The following PTPN2 variants were observed in gnomAD, a reference collection of about 807,000 sequenced individuals.
PTPN2 encodes the protein protein tyrosine phosphatase non-receptor type 2.
PTPN2 carries 19 observed loss-of-function variants against 57.3 expected under a neutral mutation model. That is an observed-to-expected ratio of 0.33 (90% CI 0.23 to 0.49). The LOEUF (loss-of-function observed/expected upper bound fraction) is 0.49. Among genes scored for constraint, PTPN2 ranks in the 20% least tolerant of loss-of-function variants. PTPN2 has a pLI of 0.99. For missense variants in PTPN2, 358 were observed against 501.1 expected, an observed-to-expected ratio of 0.71 and a Z score of 2.73; for synonymous variants, 153 against 164.9, an observed-to-expected ratio of 0.93 and a Z score of 0.55.
chr18:12,843,200 G>A (rs755777137), intron 2 of PTPN2, among the ~76,000 whole-genome samples: 1 of 152,074 alleles, frequency 6.6e-6, no homozygotes, highest in Non-Finnish European at 1.5e-5. Context: ...AACACTATCA[G>A]CATCCCAGTC....
rs1568168233 is a variant in PTPN2, at chr18:12,870,293, ATATATGTG to A, written c.70-11047_70-11040del. 6.0e-4 allele frequency among the ~76,000 whole-genome samples: 44 copies of A among 73,732 alleles called. 6 individuals are homozygous for A. The East Asian group carries it at 7.6e-3, about 13-fold the overall frequency. 48.4% of individuals were successfully genotyped at this position (73,732 alleles called of 152,430 possible). ...TATATGTATATATATACATATACAT[ATATATGTG>A]TATATATACATATATATGTGTATAT... On this transcript the variant is annotated intron_variant, in intron 1 of 8. Transcript: ENST00000309660.
intron 7 of PTPN2, among the ~76,000 whole-genome samples, chr18:12,808,443 T>C (rs2041770808): frequency 6.6e-6 from 1 of 152,012 alleles, no homozygotes; most frequent in African/African-American, 2.4e-5. Flanking sequence ...TATCAAAATA[T>C]CACACTGAAC....
chr18:12,854,089 T>G (rs1416039706), intron 2 of PTPN2, among the ~76,000 whole-genome samples: 1 of 152,064 alleles, frequency 6.6e-6, no homozygotes, highest in Non-Finnish European at 1.5e-5. Context: ...CTGAGCACGG[T>G]GCCTCACACC....
intron 1 of PTPN2, among the ~76,000 whole-genome samples, chr18:12,862,956 C>A (rs2043866152): frequency 6.6e-6 from 1 of 151,898 alleles, no homozygotes; most frequent in Non-Finnish European, 1.5e-5. Context: ...GCAACTAGAT[C>A]TGACACTGAT....
chr18:12,870,290 C>CATGTGT (rs1555679435), intron 1 of PTPN2, among the ~76,000 whole-genome samples: 1 of 76,652 alleles, frequency 1.3e-5, no homozygotes. Context: ...TATACATATA[C>CATGTGT]ATATATATGT....
Position 12,817,369 on chromosome 18 carries a change from A to G in PTPN2, c.496-4T>C. The G allele has an allele frequency of 1.2e-6, 2 of 1,608,598 alleles. No homozygotes were observed. Among genetic ancestry groups the G allele is most frequent in the South Asian group, 2.2e-5 (2 of 90,536 alleles). On this transcript the variant is annotated splice_region_variant and splice_polypyrimidine_tract_variant and intron_variant, in intron 5 of 8. Transcript: ENST00000309660. Reference sequence around the variant, plus strand: ...ATATTGTTCTGGTTTCACCACTCTAAAAAGTGAAAATCAAGGGAGAAGTTA... The same window carrying G: ...ATATTGTTCTGGTTTCACCACTCTAGAAAGTGAAAATCAAGGGAGAAGTTA...
intron 2 of PTPN2, among the ~76,000 whole-genome samples, chr18:12,857,434 T>C (rs1000370499): frequency 2.6e-5 from 4 of 152,312 alleles, no homozygotes; most frequent in African/African-American, 9.6e-5. Context: ...ATGCAAGATG[T>C]TACCACTGGG....
At chr18:12,862,717 CTG>C (rs1288203760) in intron 1 of PTPN2, 1 of 152,152 alleles carries the variant, frequency 6.6e-6, no homozygotes, top group African/African-American at 2.4e-5. Flanking sequence ...AGGAGCCATC[CTG>C]TGACAGCAAG....
intron 6 of PTPN2, among the ~76,000 whole-genome samples, chr18:12,815,309 G>A (rs2042037800): frequency 6.6e-6 from 1 of 151,804 alleles, no homozygotes; most frequent in Non-Finnish European, 1.5e-5. Context: ...CTACTCGGGA[G>A]GCTGAGGCAG....
intron 2 of PTPN2, among the ~76,000 whole-genome samples, chr18:12,841,681 G>C (rs950314612): frequency 6.6e-6 from 1 of 152,140 alleles, no homozygotes; most frequent in Non-Finnish European, 1.5e-5. Context: ...TCCTAAACTT[G>C]ACAGGACAAT....
intron 3 of PTPN2, among the ~76,000 whole-genome samples, chr18:12,834,326 C>CAAAAAAAAAAAAA (rs11368721): frequency 7.5e-6 from 1 of 133,206 alleles, no homozygotes; most frequent in Admixed American, 7.6e-5. Flanking sequence ...GACTCCATCT[C>CAAAAAAAAAAAAA]AAAAAAAAAA....
chr18:12,867,180 G>A (rs1309840575), intron 1 of PTPN2, among the ~76,000 whole-genome samples: 3 of 151,888 alleles, frequency 2.0e-5, no homozygotes, highest in East Asian at 1.9e-4. Flanking sequence ...AAAGCCAAGC[G>A]TAGTGATGCG....
At chr18:12,870,491 A>G (rs1190195759) in intron 1 of PTPN2, among the ~76,000 whole-genome samples, 1 of 100,206 alleles carries the variant, frequency 1.0e-5, no homozygotes, top group African/African-American at 4.7e-5. Context: ...AGAGAGAGAG[A>G]GAGAGAGAAA....
chr18:12,852,191 AACACACACACACACACAC>A lies in PTPN2; in HGVS notation c.160+6955_160+6972del, dbSNP rs139964591. Among the ~76,000 whole-genome samples the A allele has an allele frequency of 3.6e-4, 50 of 140,512 alleles. 2 individuals are homozygous for A. The highest frequency in any genetic ancestry group is 1.2e-3 in the African/African-American group (45 of 38,162). 92.2% of individuals were successfully genotyped at this position (140,512 alleles called of 152,430 possible). ...CAAGAAATTTATGGTATGGGTTTTT[AACACACACACACACACAC>A]ACACACACACACACACACACAGATT... is the stretch of plus-strand genomic sequence containing the variant. On this transcript the variant is annotated intron_variant, in intron 2 of 8. Transcript: ENST00000309660.
At chr18:12,874,300 T>TG (rs1271542848) in intron 1 of PTPN2, among the ~76,000 whole-genome samples, 13 of 106,902 alleles carry the variant, frequency 1.2e-4, no homozygotes, top group Admixed American at 4.2e-4. Context: ...GGGAGGGAGG[T>TG]GGGGGGGTCA....
chr18:12,875,616 G>A (rs2145534586), intron 1 of PTPN2, among the ~76,000 whole-genome samples: 1 of 152,354 alleles, frequency 6.6e-6, no homozygotes, highest in East Asian at 1.9e-4. Flanking sequence ...TTAAGGAATA[G>A]AGAGTAGAGA....
intron 5 of PTPN2, among the ~76,000 whole-genome samples, chr18:12,822,243 T>C (rs1466232771): frequency 1.3e-5 from 2 of 152,098 alleles, no homozygotes; most frequent in Non-Finnish European, 2.9e-5. Context: ...AGCATCATAA[T>C]AATTAGAGAC....
In PTPN2 at chr18:12,870,258, C is replaced by CATAT. The variant is rs146860865; in HGVS notation, c.70-11008_70-11005dup. On this transcript the variant is annotated intron_variant, in intron 1 of 8. Transcript: ENST00000309660. ...ATAGGAATCCAGTACTTAACTTTAG[C>CATAT]ATATATATATATATGTATATATATA... Among the ~76,000 whole-genome samples the CATAT allele has an allele frequency of 1.0e-4, 10 of 99,590 alleles. No homozygotes were observed. In the East Asian group the frequency reaches 1.0e-3, roughly 10 times the overall value. 65.3% of individuals were successfully genotyped at this position (99,590 alleles called of 152,430 possible). A position where few individuals can be genotyped will look rare whatever the true frequency, so the allele number is the denominator to read the frequency against.
downstream of PTPN2, among the ~76,000 whole-genome samples, chr18:12,791,893 A>G (rs773613903): frequency 2.0e-5 from 3 of 152,224 alleles, no homozygotes; most frequent in Non-Finnish European, 1.5e-5. Flanking sequence ...GTGTACCGAA[A>G]GCAAGCCTAG....
Sources: gnomAD v4.1 joint callset for allele counts (sites outside exome capture counted in the v4.1 genomes callset) on GRCh38, gnomAD v4.1.1 for gene constraint, MANE v1.5 for transcripts, NCBI Gene and HGNC (gene_info 2026-07-23, HGNC 2026-07-21) for gene names.